Variants in PSMA2 observed in about 807,000 individuals in gnomAD.
PSMA2 encodes the protein proteasome subunit alpha type-2.
PSMA2 carries 2 observed loss-of-function variants against 35.9 expected under a neutral mutation model. That is an observed-to-expected ratio of 0.06 (90% CI 0.02 to 0.18). The LOEUF is 0.18. Ranked by LOEUF, PSMA2 falls within the 10% of genes least tolerant of loss-of-function variation. The probability of loss-of-function intolerance (pLI) is 1.00; values close to 1 mark genes in which losing one functional copy is unlikely to be tolerated. For missense variants in PSMA2, 126 were observed against 278.8 expected, an observed-to-expected ratio of 0.45 and a Z score of 3.90; for synonymous variants, 97 against 98.2, an observed-to-expected ratio of 0.99 and a Z score of 0.07.
In PSMA2 at chr7:42,923,309, A is replaced by G. The variant is rs755626011; in HGVS notation, c.456+16T>C. The stretch of plus-strand genomic sequence containing the variant: ...CACTTTTAACAAATCCCTCAAATAC[A>G]TTAAATGATACTTACAGATGGATCT... On this transcript the variant is annotated intron_variant, in intron 5 of 7. Transcript: ENST00000223321. 9 of 1,571,020 alleles carry G rather than the reference A, an allele frequency of 5.7e-6. No individual in the cohort carries two copies. Among genetic ancestry groups the G allele is most frequent in the African/African-American group, 4.1e-5 (3 of 73,862 alleles).
chr7:42,917,912 C>A, intron 6 of PSMA2, 77 bp from the exon 7 acceptor site: 1 of 1,074,450 alleles, frequency 9.3e-7, no homozygotes, highest in Non-Finnish European at 1.3e-6. Flanking sequence ...ACAGCAACAA[C>A]GTAAGTTTTT....
At chr7:42,920,785 T>C (rs1786115001) in intron 6 of PSMA2, 1 of 152,216 alleles carries the variant, frequency 6.6e-6, no homozygotes, top group South Asian at 2.1e-4. Context: ...GCTCATCTGT[T>C]AAACGGAGTT....
intron 3 of PSMA2, 61 bp from the exon 4 acceptor site, chr7:42,924,858 T>C: frequency 6.6e-7 from 1 of 1,517,904 alleles, no homozygotes. Context: ...GAAGACTCAT[T>C]CTCCTTTTAC....
chr7:42,917,913 G>T lies in PSMA2; in HGVS notation c.531-78C>A. The stretch of plus-strand genomic sequence containing the variant: ...ATTTAAATACAATGACAGCAACAAC[G>T]TAAGTTTTTAAAACTCTAAACATCT... On this transcript the variant is annotated intron_variant, in intron 6 of 7. Transcript: ENST00000223321. The T allele has an allele frequency of 6.6e-6, 7 of 1,061,460 alleles. 1 individual carries two copies. The South Asian group carries it at 8.1e-5, about 12-fold the overall frequency. The allele number at this position is 1,061,460 out of a possible 1,614,324, so 65.8% of individuals were successfully genotyped here.
intron 1 of PSMA2, among the ~76,000 whole-genome samples, chr7:42,931,897 C>G (rs1299372992): frequency 5.8e-5 from 3 of 51,472 alleles, no homozygotes; most frequent in Admixed American, 1.8e-4. Context: ...ATGTTAACCC[C>G]GCAAAACCGC....
intron 1 of PSMA2, chr7:42,931,128 AAG>A: frequency 2.2e-6 from 1 of 451,156 alleles, no homozygotes. Flanking sequence ...TAATTTGTAC[AAG>A]CTGCGGTTAG....
intron 3 of PSMA2, 52 bp downstream of exon 3, chr7:42,926,484 A>G: frequency 6.7e-7 from 1 of 1,492,070 alleles, no homozygotes; most frequent in Non-Finnish European, 8.9e-7. Context: ...GAAAATACAG[A>G]TTACAATCAA....
chr7:42,920,007 T>C, intron 6 of PSMA2: 1 of 717,260 alleles, frequency 1.4e-6, no homozygotes, highest in Non-Finnish European at 2.6e-6. Context: ...AGATTGGTTT[T>C]CCAAAGACAA....
Position 42,927,475 on chromosome 7 carries a change from G to A in PSMA2, c.42-16C>T, listed in dbSNP as rs544015520. ...ACCAGACGGGCTTAAAAGAAACACAGGTATTTGTAAGTTCACATATCATCA... is the reference window on the plus strand; with the variant it reads ...ACCAGACGGGCTTAAAAGAAACACAAGTATTTGTAAGTTCACATATCATCA... On this transcript the variant is annotated splice_polypyrimidine_tract_variant and intron_variant, in intron 1 of 7. Coordinates refer to ENST00000223321, the MANE Select transcript of PSMA2 (RefSeq NM_002787.5). 5 of 1,609,240 alleles carry A rather than the reference G, an allele frequency of 3.1e-6. No individual in the cohort carries two copies. Among genetic ancestry groups the A allele is most frequent in the South Asian group, 1.1e-5 (1 of 90,980 alleles).
At chr7:42,929,102 T>C (rs1235387969) in intron 1 of PSMA2, among the ~76,000 whole-genome samples, 2 of 152,088 alleles carry the variant, frequency 1.3e-5, no homozygotes, top group African/African-American at 4.8e-5. Flanking sequence ...TCTTCCTCAA[T>C]AAAGTAGCTA....
At chr7:42,924,371 A>G (rs1786175861) in intron 4 of PSMA2, among the ~76,000 whole-genome samples, 2 of 151,224 alleles carry the variant, frequency 1.3e-5, no homozygotes, top group South Asian at 2.1e-4. Context: ...AAAAAAAAAA[A>G]AAAAAAAAGA....
chr7:42,930,660 A>G (rs1466222529), intron 1 of PSMA2, among the ~76,000 whole-genome samples: 1 of 152,046 alleles, frequency 6.6e-6, no homozygotes, highest in Non-Finnish European at 1.5e-5. Context: ...CTTCGCGATA[A>G]AAGACCACAT....
At chr7:42,929,768 T>A (rs1786268063) in intron 1 of PSMA2, among the ~76,000 whole-genome samples, 1 of 152,194 alleles carries the variant, frequency 6.6e-6, no homozygotes, top group Non-Finnish European at 1.5e-5. Context: ...TCCCACATTA[T>A]CTCCTTGCTC....
chr7:42,918,992 T>G (rs917972224), intron 6 of PSMA2: 7 of 231,258 alleles, frequency 3.0e-5, no homozygotes, highest in African/African-American at 4.6e-5. Flanking sequence ...CCTGGCTAAT[T>G]TTTGTATTTT....
At chr7:42,927,655 C>T (rs1235735472) in intron 1 of PSMA2, among the ~76,000 whole-genome samples, 196 bp from the exon 2 acceptor site, 1 of 152,178 alleles carries the variant, frequency 6.6e-6, no homozygotes, top group Admixed American at 6.5e-5. Context: ...TTTGTAATCC[C>T]AGCACTTTGG....
At chr7:42,919,489 C>A in intron 6 of PSMA2, 1 of 520,892 alleles carries the variant, frequency 1.9e-6, no homozygotes, top group Non-Finnish European at 3.8e-6. Flanking sequence ...ATTAAAAAGG[C>A]CCTATGGTAC....
chr7:42,918,004 G>C, intron 6 of PSMA2, 169 bp from the exon 7 acceptor site: 2 of 484,058 alleles, frequency 4.1e-6, no homozygotes, highest in South Asian at 3.6e-5. Flanking sequence ...TAAAAAAACT[G>C]ACAATATCTG....
intron 1 of PSMA2, among the ~76,000 whole-genome samples, chr7:42,928,091 A>C (rs1786241463): frequency 6.6e-6 from 1 of 152,138 alleles, no homozygotes; most frequent in Non-Finnish European, 1.5e-5. Context: ...AAATGAGGAC[A>C]CAGTAACCAC....
At chr7:42,917,882 A>T (rs762986261) in intron 6 of PSMA2, 47 bp from the exon 7 acceptor site, 1 of 1,313,492 alleles carries the variant, frequency 7.6e-7, no homozygotes, top group Non-Finnish European at 1.1e-6. Context: ...TATATTCTTT[A>T]TAACTATTTA....
Sources: allele counts gnomAD v4.1 joint callset (sites outside exome capture counted in the v4.1 genomes callset), GRCh38; gene constraint gnomAD v4.1.1; transcripts MANE v1.5; gene names NCBI Gene and HGNC (gene_info 2026-07-23, HGNC 2026-07-21).